The following LIX1 variants were observed in gnomAD, a reference collection of about 807,000 sequenced individuals.
LIX1 encodes protein limb expression 1 homolog.
LIX1 carries 24 observed loss-of-function variants against 33.4 expected under a neutral mutation model. The ratio of observed to expected loss-of-function variants is 0.72; its 90% CI spans 0.52 to 1.01. LIX1 has a LOEUF of 1.01. Among genes scored for constraint, LIX1 ranks in the 50% least tolerant of loss-of-function variants. The probability of loss-of-function intolerance (pLI) is 0.00; values close to 1 mark genes in which losing one functional copy is unlikely to be tolerated. For synonymous variants in LIX1, 124 were observed against 124.0 expected (o/e 1.00, Z 0.00); for missense variants, 311 against 339.2 (o/e 0.92, Z 0.65).
At chr5:97,103,820 C>T (rs1264094630) in intron 4 of LIX1, among the ~76,000 whole-genome samples, 1 of 151,862 alleles carries the variant, frequency 6.6e-6, no homozygotes, top group Admixed American at 6.6e-5. Context: ...AAAAAATTAG[C>T]CGGGCATGGT....
intron 4 of LIX1, chr5:97,101,669 C>T (rs1746706815): frequency 6.6e-6 from 1 of 152,152 alleles, no homozygotes; most frequent in Non-Finnish European, 1.5e-5. Context: ...ACAGCCTTTC[C>T]TGGGGTTGCC....
intron 2 of LIX1, among the ~76,000 whole-genome samples, chr5:97,121,188 T>C (rs1382613553): frequency 1.3e-5 from 2 of 152,210 alleles, no homozygotes; most frequent in Non-Finnish European, 2.9e-5. Context: ...AGTGTACATA[T>C]GCAGTATCAA....
intron 2 of LIX1, among the ~76,000 whole-genome samples, chr5:97,113,861 A>G (rs1747543469): frequency 6.6e-6 from 1 of 152,196 alleles, no homozygotes; most frequent in Non-Finnish European, 1.5e-5. Context: ...TCCCATGACA[A>G]ACTTGACTTC....
At chr5:97,120,954 A>G (rs920450254) in intron 2 of LIX1, among the ~76,000 whole-genome samples, 2 of 152,142 alleles carry the variant, frequency 1.3e-5, no homozygotes, top group African/African-American at 4.8e-5. Flanking sequence ...GTATTCTTAT[A>G]TTACACTCCT....
At position 97,094,893 on chromosome 5, in the gene LIX1, G is replaced by A. The variant is rs1746289733; in HGVS notation, c.704C>T (p.Ala235Val). Reference protein sequence around the residue: ...LRMALRQLEEARKAGQELRFY... With the variant: ...LRMALRQLEEVRKAGQELRFY... The stretch of plus-strand genomic sequence containing the variant: ...CCGTAGTTCTTGTCCTGCTTTCCTG[G>A]CTTCCTCCAACTGCCTCAGGGCCAT... The change falls in exon 6 of 6, where the codon GCC becomes GTC. Residue 235 changes from alanine (A) to valine (V), a missense_variant. Transcript: ENST00000274382. 15 of 1,613,960 alleles carry A rather than the reference G, an allele frequency of 9.3e-6. No individual in the cohort carries two copies. The East Asian group carries it at 3.1e-4, about 34-fold the overall frequency.
rs1374646086 is a variant in LIX1 at position 97,124,572 on chromosome 5, G to A, written c.140C>T (p.Ala47Val). 1.2e-6 allele frequency: 2 copies of A among 1,610,774 alleles called. No homozygotes were observed. The highest frequency in any genetic ancestry group is 8.5e-7 in the Non-Finnish European group (1 of 1,178,068). The change falls in exon 2 of 6, where the codon GCA becomes GTA. Residue 47 changes from alanine to valine, a missense_variant. Transcript: ENST00000274382. Reference protein sequence around the residue: ...FWESKQQQKAAFPSEGVVVYE... With the variant: ...FWESKQQQKAVFPSEGVVVYE... ...GACCACCACACCTTCACTTGGGAAT[G>A]CAGCCTTCTGCTGCTGCTTGCTTTC... is the stretch of plus-strand genomic sequence containing the variant.
intron 1 of LIX1, among the ~76,000 whole-genome samples, chr5:97,132,290 A>C (rs1251333060): frequency 1.3e-5 from 2 of 152,232 alleles, no homozygotes; most frequent in Non-Finnish European, 2.9e-5. Flanking sequence ...TGAACAAAAT[A>C]TTAGAGTGCT....
At chr5:97,133,370 G>C (rs1337874485) in intron 1 of LIX1, among the ~76,000 whole-genome samples, 1 of 152,180 alleles carries the variant, frequency 6.6e-6, no homozygotes, top group Non-Finnish European at 1.5e-5. Flanking sequence ...GTGCTGTAAG[G>C]CTTAAAATGG....
chr5:97,127,934 G>A (rs555237400), intron 1 of LIX1, among the ~76,000 whole-genome samples: 2 of 152,242 alleles, frequency 1.3e-5, no homozygotes, highest in Non-Finnish European at 2.9e-5. Context: ...TCCTGGAATT[G>A]TTCTCTTAGT....
chr5:97,105,298 A>C lies in LIX1; in HGVS notation c.388-13T>G. On this transcript the variant is annotated splice_polypyrimidine_tract_variant and intron_variant, in intron 3 of 5. Coordinates refer to ENST00000274382, the MANE Select transcript of LIX1 (RefSeq NM_153234.5). ...CATCTAAGGTGCCCTTGGGAAAGAA[A>C]GCAGAAAAAGAAAAATTACTGATTT... is the stretch of plus-strand genomic sequence containing the variant. The C allele has an allele frequency of 1.2e-6, 2 of 1,607,860 alleles. No homozygotes were observed. Among genetic ancestry groups the C allele is most frequent in the Non-Finnish European group, 8.5e-7 (1 of 1,174,986 alleles).
At chr5:97,102,727 G>T (rs1746776231) in intron 4 of LIX1, among the ~76,000 whole-genome samples, 1 of 148,700 alleles carries the variant, frequency 6.7e-6, no homozygotes, top group African/African-American at 2.4e-5. Context: ...GGAATTTTAA[G>T]ACTTTTTTTT....
rs1237343261 is a variant in LIX1 at position 97,094,258 on chromosome 5, T to G, written c.*490A>C. 6.4e-6 allele frequency: 1 copy of G among 155,972 alleles called. No individual in the cohort carries two copies. Among genetic ancestry groups the G allele is most frequent in the Non-Finnish European group, 1.4e-5 (1 of 70,342 alleles). The allele number at this position is 155,972 out of a possible 1,614,324, so 9.7% of individuals were successfully genotyped here. A position where few individuals can be genotyped will look rare whatever the true frequency, so the allele number is the denominator to read the frequency against. On this transcript the variant is annotated 3_prime_UTR_variant, in exon 6 of 6. Coordinates refer to ENST00000274382, the MANE Select transcript of LIX1 (RefSeq NM_153234.5). ...ATCTAGTAGGACATAAACTATTGCT[T>G]AGCTTACAAAGCTTAGAAAGAGACT...
Position 97,105,072 on chromosome 5 carries a change from C to A in LIX1, c.483+118G>T. ...TTCCAGGAGGGTTAGATTAAAATGA[C>A]CAAAAACACTTAAGACCAAAAGATT... On this transcript the variant is annotated intron_variant, in intron 4 of 5. Transcript: ENST00000274382. 3.2e-6 allele frequency: 3 copies of A among 923,944 alleles called. No individual in the cohort carries two copies. The South Asian group carries it at 4.6e-5, about 14-fold the overall frequency. The allele number at this position is 923,944 out of a possible 1,614,324, so 57.2% of individuals were successfully genotyped here.
At chr5:97,139,732 A>G (rs1336557710) in intron 1 of LIX1, among the ~76,000 whole-genome samples, 3 of 152,250 alleles carry the variant, frequency 2.0e-5, no homozygotes, top group Admixed American at 6.5e-5. Flanking sequence ...TCAAATTGGG[A>G]GTCCATCTTA....
At chr5:97,095,607 G>A (rs1381746684) in intron 5 of LIX1, among the ~76,000 whole-genome samples, 1 of 152,136 alleles carries the variant, frequency 6.6e-6, no homozygotes, top group Non-Finnish European at 1.5e-5. Context: ...GAGTTTAGAT[G>A]TATAATGGAA....
intron 4 of LIX1, chr5:97,102,890 A>G: frequency 2.9e-6 from 1 of 347,794 alleles, no homozygotes; most frequent in Non-Finnish European, 5.6e-6. Context: ...GAACTACAAT[A>G]TTATTTGGAG....
At chr5:97,096,749 G>T in intron 5 of LIX1, 61 bp downstream of exon 5, 1 of 1,150,344 alleles carries the variant, frequency 8.7e-7, no homozygotes, top group Non-Finnish European at 1.3e-6. Context: ...CTCCTGGGAA[G>T]ATGATAAGCC....
intron 4 of LIX1, among the ~76,000 whole-genome samples, chr5:97,102,454 CCCT>C (rs1561489715): frequency 6.6e-6 from 1 of 152,102 alleles, no homozygotes; most frequent in African/African-American, 2.4e-5. Context: ...GCTCCATAGG[CCCT>C]CCTCCTGGGT....
At chr5:97,109,597 T>G (rs1172282909) in intron 2 of LIX1, among the ~76,000 whole-genome samples, 1 of 152,176 alleles carries the variant, frequency 6.6e-6, no homozygotes, top group Non-Finnish European at 1.5e-5. Flanking sequence ...TTCAATAGTT[T>G]TTGGGATACA....
Sources: allele counts gnomAD v4.1 joint callset (sites outside exome capture counted in the v4.1 genomes callset), GRCh38; gene constraint gnomAD v4.1.1; transcripts MANE v1.5; gene names NCBI Gene and HGNC (gene_info 2026-07-23, HGNC 2026-07-21).